COG6: variants seen among roughly 807,000 people sequenced by gnomAD.
The protein encoded by COG6 is conserved oligomeric Golgi complex subunit 6.
A neutral mutation model predicts 88.8 loss-of-function variants in COG6; 74 were observed. That is an observed-to-expected ratio of 0.83 (90% CI 0.69 to 1.01). The LOEUF (loss-of-function observed/expected upper bound fraction) is 1.01, where lower values mean the gene tolerates loss of function less well. Ranked by LOEUF, COG6 falls within the 50% of genes least tolerant of loss-of-function variation. The pLI is 0.00. For missense variants in COG6, 800 were observed against 797.9 expected, an observed-to-expected ratio of 1.00 and a Z score of -0.03; for synonymous variants, 286 against 278.7, an observed-to-expected ratio of 1.03 and a Z score of -0.26.
intron 4 of COG6, among the ~76,000 whole-genome samples, chr13:39,666,754 T>C (rs1011181327): frequency 6.6e-6 from 1 of 152,204 alleles, no homozygotes; most frequent in Admixed American, 6.5e-5. Context: ...GAATGATCCA[T>C]TGCAGTTAAA....
intron 8 of COG6, among the ~76,000 whole-genome samples, chr13:39,682,700 G>A (rs1346614812): frequency 6.6e-6 from 1 of 152,172 alleles, no homozygotes; most frequent in Non-Finnish European, 1.5e-5. Flanking sequence ...TAGGAGGAGA[G>A]GGCCCAGGTC....
chr13:39,764,309 C>G (rs1490678628), intron 18 of COG6, among the ~76,000 whole-genome samples: 4 of 143,284 alleles, frequency 2.8e-5, no homozygotes, highest in African/African-American at 7.6e-5. Flanking sequence ...TTCAAAGAAC[C>G]TATGTTTTAC....
intron 4 of COG6, among the ~76,000 whole-genome samples, chr13:39,669,276 A>G (rs567915723): frequency 1.3e-5 from 2 of 152,320 alleles, no homozygotes; most frequent in South Asian, 4.1e-4. Context: ...CTTGACATTA[A>G]TTTTTCTCTA....
chr13:39,740,948 A>G (rs936900080), intron 18 of COG6, among the ~76,000 whole-genome samples: 1 of 152,176 alleles, frequency 6.6e-6, no homozygotes, highest in African/African-American at 2.4e-5. Context: ...TGATCACAGA[A>G]TCTGATGTTG....
chr13:39,736,101 C>T (rs1879729452), intron 18 of COG6, among the ~76,000 whole-genome samples: 1 of 152,042 alleles, frequency 6.6e-6, no homozygotes, highest in Admixed American at 6.6e-5. Flanking sequence ...CTACACTAAT[C>T]TCTCTCTGCC....
At chr13:39,723,623 T>C (rs1252133413) in intron 16 of COG6, among the ~76,000 whole-genome samples, 183 bp downstream of exon 16, 2 of 152,090 alleles carry the variant, frequency 1.3e-5, no homozygotes. Flanking sequence ...ATCTGTGTCA[T>C]AGGATTGTTC....
Position 39,684,243 on chromosome 13 carries a change from AT to A in COG6, c.788+2004del, listed in dbSNP as rs1203671335. On this transcript the variant is annotated intron_variant, in intron 8 of 18. Transcript: ENST00000455146. ...GGGGGCAGTAATGGCAATTTGGAAG[AT>A]TTTTTTTTTTTTTTTTTTTTTTTTG... 2.3e-3 allele frequency among the ~76,000 whole-genome samples: 155 copies of A among 67,386 alleles called. 1 individual carries two copies. The highest frequency in any genetic ancestry group is 9.2e-3 in the African/African-American group (138 of 14,948). 44.2% of individuals were successfully genotyped at this position (67,386 alleles called of 152,430 possible). A position where few individuals can be genotyped will look rare whatever the true frequency, so the allele number is the denominator to read the frequency against.
Position 39,751,597 on chromosome 13 carries a change from G to T in COG6, c.*504G>T. The stretch of plus-strand genomic sequence containing the variant: ...TGTCCCCAAAATAGCTGCCCTTAAA[G>T]AGTTGTTAGCAGAGAGAAAAATAAC... On this transcript the variant is annotated 3_prime_UTR_variant, in exon 19 of 19. Transcript: ENST00000455146. 2 of 1,287,146 alleles carry T rather than the reference G, an allele frequency of 1.6e-6. No individual in the cohort carries two copies. The highest frequency in any genetic ancestry group is 1.2e-5 in the South Asian group (1 of 80,928). The allele number at this position is 1,287,146 out of a possible 1,614,324, so 79.7% of individuals were successfully genotyped here. A position where few individuals can be genotyped will look rare whatever the true frequency, so the allele number is the denominator to read the frequency against.
intron 18 of COG6, among the ~76,000 whole-genome samples, chr13:39,760,781 G>A (rs1010451736): frequency 6.6e-6 from 1 of 151,948 alleles, no homozygotes; most frequent in African/African-American, 2.4e-5. Context: ...ATAATGGTGG[G>A]GGAAGGCTAG....
intron 18 of COG6, among the ~76,000 whole-genome samples, chr13:39,738,395 C>T (rs1879877909): frequency 6.6e-6 from 1 of 151,942 alleles, no homozygotes; most frequent in Admixed American, 6.6e-5. Flanking sequence ...CTTCCCACAA[C>T]CATTGAAACA....
chr13:39,677,585 C>G lies in COG6; in HGVS notation c.540+6C>G. ...GAGAAGGACCCATTACTGAGGTATCCTGGCTTTCTGTTATAATCATTTAAA... is the reference window on the plus strand; with the variant it reads ...GAGAAGGACCCATTACTGAGGTATCGTGGCTTTCTGTTATAATCATTTAAA... On this transcript the variant is annotated splice_donor_region_variant and intron_variant, in intron 5 of 18. Coordinates refer to ENST00000455146, the MANE Select transcript of COG6 (RefSeq NM_020751.3). 2 of 1,512,508 alleles carry G rather than the reference C, an allele frequency of 1.3e-6. No homozygotes were observed. The highest frequency in any genetic ancestry group is 2.3e-5 in the South Asian group (2 of 88,086). 93.7% of individuals were successfully genotyped at this position (1,512,508 alleles called of 1,614,324 possible).
intron 4 of COG6, among the ~76,000 whole-genome samples, chr13:39,670,180 G>T (rs1304788499): frequency 6.6e-6 from 1 of 152,118 alleles, no homozygotes; most frequent in Non-Finnish European, 1.5e-5. Flanking sequence ...TCACAGGACT[G>T]CAGGTTAGCA....
chr13:39,751,384 T>C lies in COG6; in HGVS notation c.*291T>C. 7.3e-7 allele frequency: 1 copy of C among 1,363,864 alleles called. No individual in the cohort carries two copies. 84.5% of individuals were successfully genotyped at this position (1,363,864 alleles called of 1,614,324 possible). On this transcript the variant is annotated 3_prime_UTR_variant, in exon 19 of 19. Coordinates refer to ENST00000455146, the MANE Select transcript of COG6 (RefSeq NM_020751.3). ...TGTATTCAGGAAGCATAAAGTAGTA[T>C]GAAAGGTTTGAAGAATTTTTTTTTA...
At chr13:39,743,745 T>G (rs865878043) in intron 18 of COG6, among the ~76,000 whole-genome samples, 1 of 152,134 alleles carries the variant, frequency 6.6e-6, no homozygotes, top group African/African-American at 2.4e-5. Flanking sequence ...CCTCCCTAAC[T>G]CATGTTATGA....
At chr13:39,731,745 T>A (rs1879465537) in intron 18 of COG6, among the ~76,000 whole-genome samples, 1 of 152,118 alleles carries the variant, frequency 6.6e-6, no homozygotes, top group Non-Finnish European at 1.5e-5. Flanking sequence ...TTGAACACTT[T>A]TTTTTCTTTT....
At chr13:39,786,943 A>C (rs1421648972) in intron 18 of COG6, among the ~76,000 whole-genome samples, 1 of 152,202 alleles carries the variant, frequency 6.6e-6, no homozygotes, top group Non-Finnish European at 1.5e-5. Context: ...TGAAATGCTC[A>C]AGACAACTGA....
chr13:39,790,983 CTTAAA>C (rs1881921885), exon 19 of COG6: 1 of 151,910 alleles, frequency 6.6e-6, no homozygotes, highest in Non-Finnish European at 1.5e-5. Context: ...ATGTTGCCAC[CTTAAA>C]TTAAGAAAAT....
At chr13:39,787,251 GTT>G (rs774022338) in intron 18 of COG6, among the ~76,000 whole-genome samples, 10 of 152,188 alleles carry the variant, frequency 6.6e-5, no homozygotes, top group Admixed American at 2.6e-4. Flanking sequence ...TCAGCAAAGT[GTT>G]CTTGCACTGC....
Position 39,723,230 on chromosome 13 carries a change from A to G in COG6, c.1585-103A>G, listed in dbSNP as rs376298791. The G allele has an allele frequency of 1.4e-3, 1,054 of 729,954 alleles. 17 individuals are homozygous for G. In the South Asian group the frequency reaches 0.015, roughly 10 times the overall value. The allele number at this position is 729,954 out of a possible 1,614,324, so 45.2% of individuals were successfully genotyped here. A position where few individuals can be genotyped will look rare whatever the true frequency, so the allele number is the denominator to read the frequency against. ...GGGGAAGAAAGAGGCTTTGTTACAG[A>G]GGTGATCCCTGTGCCTCATCATCAG... is the stretch of plus-strand genomic sequence containing the variant. On this transcript the variant is annotated intron_variant, in intron 15 of 18. Coordinates refer to ENST00000455146, the MANE Select transcript of COG6 (RefSeq NM_020751.3).
Sources: allele counts gnomAD v4.1 joint callset (sites outside exome capture counted in the v4.1 genomes callset), GRCh38; gene constraint gnomAD v4.1.1; transcripts MANE v1.5; gene names NCBI Gene and HGNC (gene_info 2026-07-23, HGNC 2026-07-21).